TAOK1: variants seen among roughly 807,000 people sequenced by gnomAD.
The protein encoded by TAOK1 is serine/threonine-protein kinase TAO1.
A neutral mutation model predicts 138.3 loss-of-function variants in TAOK1; 21 were observed. The ratio of observed to expected loss-of-function variants is 0.15; its 90% CI spans 0.11 to 0.22. TAOK1 has a LOEUF of 0.22. TAOK1 is among the 10% of genes least tolerant of loss of function. The probability of loss-of-function intolerance (pLI) is 1.00; values close to 1 mark genes in which losing one functional copy is unlikely to be tolerated. For missense variants in TAOK1, 651 were observed against 1,227.7 expected (o/e 0.53, Z 7.02); for synonymous variants, 361 against 398.4 (o/e 0.91, Z 1.12).
At chr17:29,474,110 T>G (rs954800895) in intron 3 of TAOK1, among the ~76,000 whole-genome samples, 49 of 152,178 alleles carry the variant, frequency 3.2e-4, no homozygotes, top group South Asian at 8.3e-4. Flanking sequence ...GCTTCCAACT[T>G]TTCTTCTTCA....
chr17:29,433,977 C>T (rs956203078), intron 1 of TAOK1, among the ~76,000 whole-genome samples: 1 of 152,084 alleles, frequency 6.6e-6, no homozygotes, highest in African/African-American at 2.4e-5. Flanking sequence ...TCAGAGGCTC[C>T]GGTTGCATGA....
intron 13 of TAOK1, 62 bp downstream of exon 13, chr17:29,502,785 C>T: frequency 6.4e-7 from 1 of 1,552,436 alleles, no homozygotes; most frequent in Non-Finnish European, 8.8e-7. Context: ...GCAATATAAA[C>T]TCAAGTATAG....
At chr17:29,426,542 G>C (rs963107909) in intron 1 of TAOK1, among the ~76,000 whole-genome samples, 1 of 152,136 alleles carries the variant, frequency 6.6e-6, no homozygotes, top group Non-Finnish European at 1.5e-5. Flanking sequence ...AATATGGGAA[G>C]TATGTGTGGC....
intron 10 of TAOK1, among the ~76,000 whole-genome samples, chr17:29,493,608 G>A (rs2031350919): frequency 1.3e-5 from 2 of 151,954 alleles, no homozygotes; most frequent in African/African-American, 4.8e-5. Flanking sequence ...TTGGTGATTA[G>A]ATCCTAAGTC....
At chr17:29,487,246 C>CAAAAAAAAAAAAAA (rs71138823) in intron 8 of TAOK1, among the ~76,000 whole-genome samples, 2 of 90,292 alleles carry the variant, frequency 2.2e-5, no homozygotes, top group African/African-American at 1.0e-4. Context: ...ACTGTGTCTC[C>CAAAAAAAAAAAAAA]AAAAAAAAAA....
chr17:29,423,796 C>G (rs1005220011), intron 1 of TAOK1, among the ~76,000 whole-genome samples: 3 of 151,522 alleles, frequency 2.0e-5, no homozygotes, highest in African/African-American at 7.3e-5. Context: ...ACCTGTAATC[C>G]CAGCACTTTG....
chr17:29,532,522 T>A (rs2032137266), intron 18 of TAOK1, among the ~76,000 whole-genome samples: 1 of 152,094 alleles, frequency 6.6e-6, no homozygotes, highest in Non-Finnish European at 1.5e-5. Context: ...CCCTGGGTAC[T>A]TGAGATTAGG....
chr17:29,424,456 A>G (rs1022782156), intron 1 of TAOK1, among the ~76,000 whole-genome samples: 6 of 151,550 alleles, frequency 4.0e-5, no homozygotes, highest in African/African-American at 1.4e-4. Context: ...AAAAAAAAAA[A>G]AAGACAAATA....
chr17:29,463,328 G>A (rs2030575101), intron 2 of TAOK1, among the ~76,000 whole-genome samples: 1 of 152,080 alleles, frequency 6.6e-6, no homozygotes, highest in Non-Finnish European at 1.5e-5. Context: ...CCAGCACTTT[G>A]GGAGGCCAAG....
Position 29,542,756 on chromosome 17 carries a change from C to T in TAOK1, c.2740C>T (p.Pro914Ser), listed in dbSNP as rs1236451702. The change falls in exon 20 of 20, where the codon CCT becomes TCT. Residue 914 changes from proline (P) to serine (S), a missense_variant. Coordinates refer to ENST00000261716, the MANE Select transcript of TAOK1 (RefSeq NM_020791.4). ...YPGASGWSHN[P>S]TGGPGPHWGH... ...GGGAGCTTCTGGTTGGTCACACAACCCTACTGGGGGTCCAGGACCTCACTG... is the reference window on the plus strand; with the variant it reads ...GGGAGCTTCTGGTTGGTCACACAACTCTACTGGGGGTCCAGGACCTCACTG... 6.2e-7 allele frequency: 1 copy of T among 1,614,100 alleles called. No homozygotes were observed. Among genetic ancestry groups the T allele is most frequent in the Non-Finnish European group, 8.5e-7 (1 of 1,180,046 alleles).
chr17:29,394,356 G>A (rs1183524357), intron 1 of TAOK1, among the ~76,000 whole-genome samples: 5 of 151,714 alleles, frequency 3.3e-5, no homozygotes, highest in Non-Finnish European at 5.9e-5. Context: ...TAGTAGAGAC[G>A]GGGTTTCACT....
At chr17:29,489,849 T>G in intron 9 of TAOK1, 92 bp downstream of exon 9, 1 of 848,158 alleles carries the variant, frequency 1.2e-6, no homozygotes, top group Non-Finnish European at 1.8e-6. Context: ...TTCAGTTAGG[T>G]AAAATGTATC....
intron 4 of TAOK1, among the ~76,000 whole-genome samples, chr17:29,477,197 A>G (rs932412388): frequency 1.3e-5 from 2 of 152,116 alleles, no homozygotes; most frequent in Non-Finnish European, 1.5e-5. Context: ...GAATCTACAA[A>G]TCTAGAACCC....
intron 3 of TAOK1, among the ~76,000 whole-genome samples, chr17:29,473,263 C>T (rs556334686): frequency 5.1e-4 from 77 of 152,266 alleles, no homozygotes; most frequent in Non-Finnish European, 9.3e-4. Context: ...GCTTTGAAAC[C>T]AGGCATTTCA....
intron 13 of TAOK1, among the ~76,000 whole-genome samples, chr17:29,504,149 T>G: frequency 6.8e-6 from 1 of 146,706 alleles, no homozygotes. Context: ...TGGTGGCATG[T>G]GCCTGTAGTC....
In TAOK1 at chr17:29,551,499, T is replaced by C. The variant is rs144504967; in HGVS notation, c.*8477T>C. 6.6e-6 allele frequency: 1 copy of C among 152,460 alleles called. No individual in the cohort carries two copies. The highest frequency in any genetic ancestry group is 1.5e-5 in the Non-Finnish European group (1 of 68,026). The allele number at this position is 152,460 out of a possible 1,614,324, so 9.4% of individuals were successfully genotyped here. A position where few individuals can be genotyped will look rare whatever the true frequency, so the allele number is the denominator to read the frequency against. On this transcript the variant is annotated 3_prime_UTR_variant, in exon 20 of 20. Transcript: ENST00000261716. ...TCTACCACTTTACCAATAACTAATTTTAAATACACATTGTCCTCTCGATTT... is the reference window on the plus strand; with the variant it reads ...TCTACCACTTTACCAATAACTAATTCTAAATACACATTGTCCTCTCGATTT...
At chr17:29,432,193 G>A (rs571203482) in intron 1 of TAOK1, among the ~76,000 whole-genome samples, 2 of 152,302 alleles carry the variant, frequency 1.3e-5, no homozygotes, top group Non-Finnish European at 2.9e-5. Flanking sequence ...CCAGTGATAA[G>A]CATTGTTTCT....
In TAOK1 at chr17:29,543,109, G is replaced by T; in HGVS notation, c.*87G>T. ...ATCATCACAGCAGCCTCCTCACTTGGGTACTACAGTGTGGAAGCTGAGTGC... is the reference window on the plus strand; with the variant it reads ...ATCATCACAGCAGCCTCCTCACTTGTGTACTACAGTGTGGAAGCTGAGTGC... On this transcript the variant is annotated 3_prime_UTR_variant, in exon 20 of 20. Coordinates refer to ENST00000261716, the MANE Select transcript of TAOK1 (RefSeq NM_020791.4). 8.5e-7 allele frequency: 1 copy of T among 1,171,692 alleles called. No homozygotes were observed. Among genetic ancestry groups the T allele is most frequent in the Non-Finnish European group, 1.2e-6 (1 of 847,000 alleles). 72.6% of individuals were successfully genotyped at this position (1,171,692 alleles called of 1,614,324 possible).
rs1165474557 is a variant in TAOK1 at position 29,545,630 on chromosome 17, A to C, written c.*2608A>C. On this transcript the variant is annotated 3_prime_UTR_variant, in exon 20 of 20. Transcript: ENST00000261716. ...ATATACAGTTTGCAAAAAATGATTC[A>C]AATTAATTGGTTTGTATATGTTTGT... The C allele has an allele frequency of 6.6e-6, 1 of 152,202 alleles. No individual in the cohort carries two copies. Among genetic ancestry groups the C allele is most frequent in the African/African-American group, 2.4e-5 (1 of 41,458 alleles). 9.4% of individuals were successfully genotyped at this position (152,202 alleles called of 1,614,324 possible). A position where few individuals can be genotyped will look rare whatever the true frequency, so the allele number is the denominator to read the frequency against.
Sources: gnomAD v4.1 joint callset for allele counts (sites outside exome capture counted in the v4.1 genomes callset) on GRCh38, gnomAD v4.1.1 for gene constraint, MANE v1.5 for transcripts, NCBI Gene and HGNC (gene_info 2026-07-23, HGNC 2026-07-21) for gene names.